ZNF114: variants seen among roughly 807,000 people sequenced by gnomAD.
ZNF114 encodes zinc finger protein 114 (Y18).
In ZNF114, 8 loss-of-function variants were observed where a neutral mutation model predicts 6.8. The ratio of observed to expected loss-of-function variants is 1.18; its 90% CI spans 0.69 to 2.13. The LOEUF (loss-of-function observed/expected upper bound fraction) is 2.13, where lower values mean the gene tolerates loss of function less well. ZNF114 is among the 30% of genes most tolerant of loss of function. The pLI is 0.00. For missense variants in ZNF114, 472 were observed against 519.5 expected (o/e 0.91, Z 0.89); for synonymous variants, 169 against 185.5 (o/e 0.91, Z 0.72).
chr19:48,270,590 A>T (rs1967628250), intron 1 of ZNF114, among the ~76,000 whole-genome samples: 1 of 148,670 alleles, frequency 6.7e-6, no homozygotes, highest in South Asian at 2.2e-4. Flanking sequence ...GAAAGAAAGA[A>T]AGAGAAGAAA....
intron 5 of ZNF114, among the ~76,000 whole-genome samples, chr19:48,284,552 C>T (rs77986780): frequency 0.033 from 5,092 of 152,080 alleles, 159 homozygotes; most frequent in Middle Eastern, 0.14. Context: ...TGCCTCAGCC[C>T]CCTGAGTAGC....
chr19:48,279,840 G>C (rs1428549904), intron 4 of ZNF114, 32 bp downstream of exon 4: 3 of 1,613,722 alleles, frequency 1.9e-6, no homozygotes, highest in Non-Finnish European at 1.7e-6. Flanking sequence ...TCCCAGAAGC[G>C]TGTTGTCGTT....
Position 48,286,854 on chromosome 19 carries a change from C to T in ZNF114, c.1230C>T (p.His410=). 1 of 1,568,318 alleles carries T rather than the reference C, an allele frequency of 6.4e-7. No individual in the cohort carries two copies. Among genetic ancestry groups the T allele is most frequent in the Non-Finnish European group, 8.6e-7 (1 of 1,164,528 alleles). ...SSGLKKHLKT[H]KDEKPCE ...GACTTAAAAAACATCTTAAGACTCA[C>T]AAAGATGAGAAGCCCTGTGAATGAA... Residue 410 remains histidine, a synonymous_variant, in exon 6 of 6, where the codon CAC becomes CAT. Transcript: ENST00000595607.
intron 3 of ZNF114, among the ~76,000 whole-genome samples, chr19:48,277,609 C>T (rs900088886): frequency 3.3e-5 from 5 of 152,130 alleles, no homozygotes; most frequent in African/African-American, 1.2e-4. Context: ...CGCTGGGAGA[C>T]GTTTCCAGCC....
chr19:48,274,445 G>A (rs1967765007), intron 3 of ZNF114, among the ~76,000 whole-genome samples: 1 of 149,884 alleles, frequency 6.7e-6, no homozygotes, highest in African/African-American at 2.4e-5. Context: ...AGAGTTTTGG[G>A]GGTTTGTTTT....
intron 4 of ZNF114, among the ~76,000 whole-genome samples, chr19:48,280,789 G>A (rs1967968277): frequency 1.3e-5 from 2 of 151,996 alleles, no homozygotes; most frequent in Non-Finnish European, 2.9e-5. Flanking sequence ...CTGACCTTAG[G>A]TGATCCGCCC....
intron 5 of ZNF114, among the ~76,000 whole-genome samples, chr19:48,284,762 C>A (rs1968075199): frequency 6.6e-6 from 1 of 152,128 alleles, no homozygotes; most frequent in African/African-American, 2.4e-5. Flanking sequence ...TATCCATCCT[C>A]TCATATTTTC....
Position 48,286,695 on chromosome 19 carries a change from G to A in ZNF114, c.1071G>A (p.Gln357=), listed in dbSNP as rs768841344. ...LNKHLRKHVV[Q]KKPYECEECG... is the part of the protein sequence containing the mutation. ...AACATTTAAGAAAGCATGTTGTGCA[G>A]AAGAAGCCCTACGAATGTGAAGAAT... is the stretch of plus-strand genomic sequence containing the variant. The change falls in exon 6 of 6, where the codon CAG becomes CAA. Residue 357 remains glutamine, a synonymous_variant. Coordinates refer to ENST00000595607, the MANE Select transcript of ZNF114 (RefSeq NM_153608.4). The A allele has an allele frequency of 4.3e-6, 7 of 1,613,104 alleles. No homozygotes were observed. The highest frequency in any genetic ancestry group is 5.9e-6 in the Non-Finnish European group (7 of 1,179,806).
Sources: allele counts gnomAD v4.1 joint callset (sites outside exome capture counted in the v4.1 genomes callset), GRCh38; gene constraint gnomAD v4.1.1; transcripts MANE v1.5; gene names NCBI Gene and HGNC (gene_info 2026-07-23, HGNC 2026-07-21).